CNOT4: variants seen among roughly 807,000 people sequenced by gnomAD.
The protein encoded by CNOT4 is CCR4-associated factor 4.
A neutral mutation model predicts 73.8 loss-of-function variants in CNOT4; 8 were observed. The ratio of observed to expected loss-of-function variants is 0.11; its 90% CI spans 0.06 to 0.20. The LOEUF is 0.20. CNOT4 is among the 10% of genes least tolerant of loss of function. The pLI, the probability that CNOT4 is intolerant of heterozygous loss-of-function variation, is 1.00. For missense variants in CNOT4, 564 were observed against 883.4 expected (o/e 0.64, Z 4.58); for synonymous variants, 293 against 321.1 (o/e 0.91, Z 0.94).
Position 135,500,471 on chromosome 7 carries a change from T to C in CNOT4, c.-93+9418A>G, listed in dbSNP as rs3812299. ...GGTCTACAAACCAAAACAAAGAATT[T>C]TAAAAAAACTTCAAAGTTCACAGAA... On this transcript the variant is annotated intron_variant, in intron 1 of 11. Coordinates refer to ENST00000541284, the MANE Select transcript of CNOT4 (RefSeq NM_001190850.2). 2.2e-3 allele frequency among the ~76,000 whole-genome samples: 339 copies of C among 152,042 alleles called. 11 individuals carry two copies. The East Asian group carries it at 0.054, about 24-fold the overall frequency.
At chr7:135,495,686 AAAAAAAAGAAAGAAAGAAAGAAAGAAAG>A (rs1563083423) in intron 1 of CNOT4, among the ~76,000 whole-genome samples, 1,592 of 85,956 alleles carry the variant, frequency 0.019, 162 homozygotes, top group East Asian at 0.075. Flanking sequence ...AAAAAAAAAA[AAAAAAAAGAAAGAAAGAAAGAAAGAAAG>A]AAAGAAAGAA....
intron 1 of CNOT4, among the ~76,000 whole-genome samples, chr7:135,486,303 A>G (rs953032824): frequency 6.6e-6 from 1 of 152,222 alleles, no homozygotes; most frequent in African/African-American, 2.4e-5. Context: ...GCATATGAAA[A>G]AATGTTGAAC....
intron 1 of CNOT4, among the ~76,000 whole-genome samples, chr7:135,452,821 T>C (rs1328723846): frequency 2.0e-5 from 3 of 152,192 alleles, no homozygotes. Flanking sequence ...ATCAATTTAA[T>C]GCTCAGGAGG....
rs1585534478 is a variant in CNOT4, at chr7:135,363,696, A to C, written c.1840+158T>G. On this transcript the variant is annotated intron_variant, in intron 11 of 11. Coordinates refer to ENST00000541284, the MANE Select transcript of CNOT4 (RefSeq NM_001190850.2). This position sits in a 1 kb window ranked among gnomAD's most constrained non-coding sequence, Gnocchi z 4.3. ...AATACACAACTAGGCCGACAGGTTA[A>C]ATGAGACTTGCATGACCCCTGAGAA... Among the ~76,000 whole-genome samples the C allele has an allele frequency of 6.6e-6, 1 of 152,228 alleles. No individual in the cohort carries two copies. Among genetic ancestry groups the C allele is most frequent in the Admixed American group, 6.5e-5 (1 of 15,278 alleles).
chr7:135,495,710 G>A (rs78298049), intron 1 of CNOT4, among the ~76,000 whole-genome samples: 10 of 43,368 alleles, frequency 2.3e-4, no homozygotes, highest in Non-Finnish European at 5.4e-4. Context: ...AAGAAAGAAA[G>A]AAAGAAAGAA....
chr7:135,454,020 G>A (rs191974014), intron 1 of CNOT4, among the ~76,000 whole-genome samples: 204 of 141,582 alleles, frequency 1.4e-3, no homozygotes, highest in Non-Finnish European at 2.8e-3. Flanking sequence ...TTGATTTCTA[G>A]ATATGCTACC....
At chr7:135,442,090 A>T (rs1165651919) in intron 1 of CNOT4, among the ~76,000 whole-genome samples, 1 of 152,206 alleles carries the variant, frequency 6.6e-6, no homozygotes, top group Non-Finnish European at 1.5e-5. Flanking sequence ...TGGATAAGAA[A>T]TCCAAAAGAA....
At chr7:135,426,614 AAAAAG>A (rs1247448898) in intron 2 of CNOT4, among the ~76,000 whole-genome samples, 5 of 151,176 alleles carry the variant, frequency 3.3e-5, no homozygotes, top group African/African-American at 7.3e-5. Context: ...AAAAAAAAAA[AAAAAG>A]AAAGAAAGAA....
In CNOT4 at chr7:135,425,074, T is replaced by C. The variant is rs114648798; in HGVS notation, c.175-2721A>G. Among the ~76,000 whole-genome samples the C allele has an allele frequency of 4.3e-3, 651 of 152,310 alleles. 2 individuals are homozygous for C. The highest frequency in any genetic ancestry group is 0.015 in the African/African-American group (629 of 41,562). On this transcript the variant is annotated intron_variant, in intron 2 of 11. Coordinates refer to ENST00000541284, the MANE Select transcript of CNOT4 (RefSeq NM_001190850.2). ...TGGACTCTGCAGAATAAGATATTTT[T>C]CAATGTAGTCGAACATATGACACAA...
chr7:135,406,145 G>A (rs1797268406), intron 7 of CNOT4, among the ~76,000 whole-genome samples: 1 of 152,040 alleles, frequency 6.6e-6, no homozygotes, highest in African/African-American at 2.4e-5. Context: ...GCCTCTGTAT[G>A]CCTACCCTGG....
intron 3 of CNOT4, among the ~76,000 whole-genome samples, chr7:135,421,872 G>A (rs1798213876): frequency 1.3e-5 from 2 of 152,128 alleles, no homozygotes; most frequent in Admixed American, 6.6e-5. Context: ...CAGCAAAATA[G>A]AATCATTATC....
At chr7:135,436,467 T>C (rs1799161691) in intron 2 of CNOT4, among the ~76,000 whole-genome samples, 1 of 151,956 alleles carries the variant, frequency 6.6e-6, no homozygotes, top group Admixed American at 6.6e-5. Flanking sequence ...TCAATATGAT[T>C]GTCTTCTTAT....
intron 1 of CNOT4, among the ~76,000 whole-genome samples, chr7:135,445,955 C>A (rs1799797861): frequency 6.6e-6 from 1 of 152,186 alleles, no homozygotes; most frequent in Non-Finnish European, 1.5e-5. Context: ...TAGCTCACTG[C>A]AGCCTCAAAA....
chr7:135,462,038 T>G (rs749802856), intron 1 of CNOT4, among the ~76,000 whole-genome samples: 4 of 152,022 alleles, frequency 2.6e-5, no homozygotes, highest in Middle Eastern at 6.8e-3. Flanking sequence ...TAAGAGTATA[T>G]TCACTTTATA....
chr7:135,388,904 AG>A lies in CNOT4; in HGVS notation c.1627+5013del, dbSNP rs770442806. On this transcript the variant is annotated intron_variant, in intron 10 of 11. Coordinates refer to ENST00000541284, the MANE Select transcript of CNOT4 (RefSeq NM_001190850.2). ...TTCACCTCTTCTTCCCCTGTGGAAA[AG>A]TCAGTCATGGTCTAGTTATGGGTGA... 6 of 1,612,180 alleles carry A rather than the reference AG, an allele frequency of 3.7e-6. No individual in the cohort carries two copies. The African/African-American group carries it at 8.0e-5, about 22-fold the overall frequency.
intron 1 of CNOT4, among the ~76,000 whole-genome samples, chr7:135,455,250 G>A (rs1016931400): frequency 2.0e-5 from 3 of 151,410 alleles, no homozygotes; most frequent in Non-Finnish European, 4.4e-5. Context: ...CTCCAGCCTC[G>A]GGAAGAGAGC....
Position 135,414,400 on chromosome 7 carries a change from G to T in CNOT4, c.492C>A (p.Ile164=). Residue 164 remains isoleucine, a synonymous_variant, in exon 5 of 12, where the codon ATC becomes ATA. Transcript: ENST00000541284. ...GPSASAYVTY[I]RSEDALRAIQ... ...TGGCTCTGAGAGCGTCTTCTGACCG[G>T]ATATAGGTTACATAAGCACTGGCAC... The T allele has an allele frequency of 1.3e-6, 2 of 1,556,822 alleles. No homozygotes were observed. The highest frequency in any genetic ancestry group is 1.7e-5 in the Admixed American group (1 of 59,542).
At chr7:135,449,286 G>T (rs534621932) in intron 1 of CNOT4, among the ~76,000 whole-genome samples, 1 of 152,270 alleles carries the variant, frequency 6.6e-6, no homozygotes, top group East Asian at 1.9e-4. Context: ...TCTGAGGTAC[G>T]TGAAATATTC....
At chr7:135,508,136 A>C (rs896024739) in intron 1 of CNOT4, among the ~76,000 whole-genome samples, 1 of 152,236 alleles carries the variant, frequency 6.6e-6, no homozygotes, top group Non-Finnish European at 1.5e-5. Flanking sequence ...ACTGTCACTG[A>C]TTTTAAACAT....
Sources: gnomAD v4.1 joint callset for allele counts (sites outside exome capture counted in the v4.1 genomes callset) on GRCh38, gnomAD v4.1.1 for gene constraint, Gnocchi (gnomAD v3.1) non-coding constraint, MANE v1.5 for transcripts, NCBI Gene and HGNC (gene_info 2026-07-23, HGNC 2026-07-21) for gene names.